Variants in CCDC81 observed in about 807,000 individuals in gnomAD.
CCDC81 encodes coiled-coil domain-containing protein 81.
In CCDC81, 79 loss-of-function variants were observed where a neutral mutation model predicts 83.7. The ratio of observed to expected loss-of-function variants is 0.94; its 90% CI spans 0.79 to 1.14. The LOEUF is 1.14. CCDC81 is among the 50% of genes most tolerant of loss of function. The pLI is 0.00. For missense variants in CCDC81, 791 were observed against 778.1 expected, an observed-to-expected ratio of 1.02 and a Z score of -0.20; for synonymous variants, 252 against 278.1, an observed-to-expected ratio of 0.91 and a Z score of 0.93.
At chr11:86,404,225 G>T (rs1246932426) in intron 7 of CCDC81, among the ~76,000 whole-genome samples, 1 of 152,120 alleles carries the variant, frequency 6.6e-6, no homozygotes, top group Non-Finnish European at 1.5e-5. Flanking sequence ...AGGCCTAAGA[G>T]AAGTTATTAA....
intron 7 of CCDC81, among the ~76,000 whole-genome samples, chr11:86,403,481 T>C (rs1014536441): frequency 1.3e-5 from 2 of 152,130 alleles, no homozygotes; most frequent in Middle Eastern, 3.2e-3. Context: ...CATTTTCATT[T>C]TGAAAAAAAT....
At position 86,422,688 on chromosome 11, in the gene CCDC81, C is replaced by T. The variant is rs746342298; in HGVS notation, c.1932C>T (p.Phe644=). ...GESNLWPLNK[F]LPGSRLLV ...GCAACCTGTGGCCCCTGAACAAGTT[C>T]CTGCCTGGCTCCCGGTTGCTTGTGT... The change falls in exon 15 of 15, where the codon TTC becomes TTT. Residue 644 remains phenylalanine (F), a synonymous_variant. Coordinates refer to ENST00000445632, the MANE Select transcript of CCDC81 (RefSeq NM_001156474.2). The T allele has an allele frequency of 5.0e-6, 8 of 1,613,886 alleles. No homozygotes were observed. Among genetic ancestry groups the T allele is most frequent in the Non-Finnish European group, 6.8e-6 (8 of 1,179,920 alleles).
chr11:86,389,260 T>C (rs905785079), intron 3 of CCDC81, among the ~76,000 whole-genome samples: 1 of 151,174 alleles, frequency 6.6e-6, no homozygotes, highest in African/African-American at 2.5e-5. Context: ...AATAATAAGA[T>C]AAATAAGGAA....
intron 7 of CCDC81, among the ~76,000 whole-genome samples, chr11:86,407,057 A>G (rs555943312): frequency 6.6e-6 from 1 of 152,228 alleles, no homozygotes; most frequent in African/African-American, 2.4e-5. Context: ...TCCTTCAGGT[A>G]TTTACTCCTA....
rs1555190600 is a variant in CCDC81 at position 86,387,539 on chromosome 11, A to C, written c.165A>C (p.Gly55=). Residue 55 remains glycine, a synonymous_variant, in exon 3 of 15, where the codon GGA becomes GGC. Transcript: ENST00000445632. The stretch of plus-strand genomic sequence containing the variant: ...AGGGGGTTCAGATTCCAGCATTTGG[A>C]ACTTTCACTTTCATAAGACAAAAGC... ...LHKGVQIPAF[G]TFTFIRQKLE... is the part of the protein sequence containing the mutation. 1 of 1,613,964 alleles carries C rather than the reference A, an allele frequency of 6.2e-7. No individual in the cohort carries two copies. The highest frequency in any genetic ancestry group is 8.5e-7 in the Non-Finnish European group (1 of 1,179,974).
chr11:86,419,861 T>C, intron 13 of CCDC81, 67 bp from the exon 14 acceptor site: 1 of 1,513,316 alleles, frequency 6.6e-7, no homozygotes, highest in Non-Finnish European at 8.8e-7. Flanking sequence ...ATAAAAGGAA[T>C]GGGGCTCCCA....
intron 13 of CCDC81, among the ~76,000 whole-genome samples, chr11:86,416,470 T>C (rs1391483711): frequency 6.6e-6 from 1 of 152,234 alleles, no homozygotes; most frequent in Admixed American, 6.5e-5. Context: ...CTCTAGTTAT[T>C]TCCTAAACTT....
chr11:86,387,677 A>G lies in CCDC81; in HGVS notation c.298+5A>G. 1 of 1,580,470 alleles carries G rather than the reference A, an allele frequency of 6.3e-7. No homozygotes were observed. Among genetic ancestry groups the G allele is most frequent in the Non-Finnish European group, 8.6e-7 (1 of 1,156,236 alleles). On this transcript the variant is annotated splice_donor_5th_base_variant and intron_variant, in intron 3 of 14. Transcript: ENST00000445632. ...AAAACAAAGTATATACTCCTGGTAA[A>G]TAATTCTGATATGTAGGATTTTCCC...
At chr11:86,379,736 G>T (rs1459700356) in intron 1 of CCDC81, among the ~76,000 whole-genome samples, 1 of 152,188 alleles carries the variant, frequency 6.6e-6, no homozygotes, top group Non-Finnish European at 1.5e-5. Context: ...CAGCACTTTA[G>T]GATGCCAAGG....
At chr11:86,400,926 T>C (rs534502344) in intron 7 of CCDC81, 125 bp downstream of exon 7, 83 of 966,836 alleles carry the variant, frequency 8.6e-5, no homozygotes, top group Non-Finnish European at 3.3e-5. Flanking sequence ...GCTTTCTATA[T>C]GCAACATGAT....
chr11:86,381,184 G>A (rs1422011968), intron 1 of CCDC81, among the ~76,000 whole-genome samples: 1 of 152,124 alleles, frequency 6.6e-6, no homozygotes, highest in Non-Finnish European at 1.5e-5. Context: ...TTTCTCCTTA[G>A]GTGGGACAGA....
At position 86,390,878 on chromosome 11, in the gene CCDC81, T is replaced by C. The variant is rs896700817; in HGVS notation, c.299-1663T>C. ...TGAGATACATGTGGGGATATTTAGG[T>C]AGAGGTGATACCAGAGCTTAGGAGA... On this transcript the variant is annotated intron_variant, in intron 3 of 14. Coordinates refer to ENST00000445632, the MANE Select transcript of CCDC81 (RefSeq NM_001156474.2). Among the ~76,000 whole-genome samples, 15 of 152,224 alleles carry C rather than the reference T, an allele frequency of 9.9e-5. 1 individual carries two copies. The highest frequency in any genetic ancestry group is 3.9e-4 in the Admixed American group (6 of 15,284).
At chr11:86,407,290 G>C (rs1948577332) in intron 7 of CCDC81, among the ~76,000 whole-genome samples, 1 of 152,184 alleles carries the variant, frequency 6.6e-6, no homozygotes, top group African/African-American at 2.4e-5. Flanking sequence ...GCTTAGAACA[G>C]TGTACATGGT....
intron 7 of CCDC81, among the ~76,000 whole-genome samples, chr11:86,401,575 A>C (rs1044154379): frequency 3.3e-5 from 5 of 152,220 alleles, no homozygotes; most frequent in Admixed American, 2.6e-4. Flanking sequence ...GATGTATAGT[A>C]CTTGGGAATT....
At chr11:86,420,839 G>A (rs565210801) in intron 14 of CCDC81, among the ~76,000 whole-genome samples, 83 of 152,316 alleles carry the variant, frequency 5.4e-4, no homozygotes, top group African/African-American at 1.5e-3. Flanking sequence ...GAGTGATGAC[G>A]TGGAAAATAG....
chr11:86,399,238 T>A (rs1008778701), intron 6 of CCDC81, among the ~76,000 whole-genome samples: 1 of 152,224 alleles, frequency 6.6e-6, no homozygotes, highest in African/African-American at 2.4e-5. Context: ...ACTTTTAGCC[T>A]AATATTCATA....
At position 86,397,637 on chromosome 11, in the gene CCDC81, A is replaced by C; in HGVS notation, c.652A>C (p.Met218Leu). The change falls in exon 6 of 15, where the codon ATG (methionine) becomes CTG (leucine). Residue 218 changes from methionine (M) to leucine (L), a missense_variant. Physicochemically the swap from Met to Leu is conservative, Grantham distance 15. Coordinates refer to ENST00000445632, the MANE Select transcript of CCDC81 (RefSeq NM_001156474.2). Reference sequence around the variant, plus strand: ...CATTCCTAGGATTGAGCTCAAGGAGATGGAAAACAAACTGCCTATGGAGAC... The same window carrying C: ...CATTCCTAGGATTGAGCTCAAGGAGCTGGAAAACAAACTGCCTATGGAGAC... ...LAFPRIELKEMENKLPMETLV... is the reference protein window; with the variant it reads ...LAFPRIELKELENKLPMETLV... The C allele has an allele frequency of 1.2e-6, 2 of 1,612,720 alleles. No individual in the cohort carries two copies. The highest frequency in any genetic ancestry group is 1.7e-6 in the Non-Finnish European group (2 of 1,179,420).
rs780976076 is a variant in CCDC81 at position 86,397,762 on chromosome 11, G to A, written c.757+20G>A. ...CCAGAGGTAGGCCAATGATTTCTGG[G>A]TCCAATCTGTCACTCTTTACTGCTA... On this transcript the variant is annotated intron_variant, in intron 6 of 14. Coordinates refer to ENST00000445632, the MANE Select transcript of CCDC81 (RefSeq NM_001156474.2). 2 of 1,606,686 alleles carry A rather than the reference G, an allele frequency of 1.2e-6. No individual in the cohort carries two copies. The highest frequency in any genetic ancestry group is 1.7e-6 in the Non-Finnish European group (2 of 1,176,920).
Position 86,420,196 on chromosome 11 carries a change from G to A in CCDC81, c.1817+143G>A, listed in dbSNP as rs181963405. On this transcript the variant is annotated intron_variant, in intron 14 of 14. Transcript: ENST00000445632. ...TCTGTATTCCATGGGAAATACTGCC[G>A]TGATTGATTAGAAATGTCTGTTACA... 109 of 926,374 alleles carry A rather than the reference G, an allele frequency of 1.2e-4. 1 individual carries two copies. Among genetic ancestry groups the A allele is most frequent in the African/African-American group, 5.8e-4 (35 of 60,428 alleles). 57.4% of individuals were successfully genotyped at this position (926,374 alleles called of 1,614,324 possible).
Sources: allele counts gnomAD v4.1 joint callset (sites outside exome capture counted in the v4.1 genomes callset), GRCh38; gene constraint gnomAD v4.1.1; transcripts MANE v1.5; gene names NCBI Gene and HGNC (gene_info 2026-07-23, HGNC 2026-07-21).